The following ETFDH variants were observed in gnomAD, a reference collection of about 807,000 sequenced individuals.
ETFDH encodes the protein electron transfer flavoprotein dehydrogenase.
ETFDH carries 61 observed loss-of-function variants against 73.2 expected under a neutral mutation model. The ratio of observed to expected loss-of-function variants is 0.83; its 90% CI spans 0.68 to 1.03. The LOEUF is 1.03. Ranked by LOEUF, ETFDH falls within the 50% of genes least tolerant of loss-of-function variation. ETFDH has a pLI of 0.00. For missense variants in ETFDH, 685 were observed against 745.0 expected (o/e 0.92, Z 0.94); for synonymous variants, 243 against 253.3 (o/e 0.96, Z 0.39).
intron 5 of ETFDH, among the ~76,000 whole-genome samples, chr4:158,689,414 A>G (rs1227862827): frequency 6.6e-6 from 1 of 151,632 alleles, no homozygotes; most frequent in Non-Finnish European, 1.5e-5. Flanking sequence ...GAATACATAC[A>G]TGAACACTTA....
intron 1 of ETFDH, among the ~76,000 whole-genome samples, chr4:158,678,393 A>G (rs1321912173): frequency 6.6e-6 from 1 of 152,202 alleles, no homozygotes; most frequent in Non-Finnish European, 1.5e-5. Context: ...GACTGAGGTT[A>G]AAGATTTTTG....
chr4:158,690,742 A>G (rs1386387996), intron 6 of ETFDH, among the ~76,000 whole-genome samples: 1 of 152,192 alleles, frequency 6.6e-6, no homozygotes, highest in Non-Finnish European at 1.5e-5. Flanking sequence ...TACAAACTGT[A>G]CATTAATTAT....
chr4:158,678,805 A>C (rs968145281), intron 1 of ETFDH, among the ~76,000 whole-genome samples: 47 of 152,060 alleles, frequency 3.1e-4, no homozygotes, highest in African/African-American at 1.1e-3. Flanking sequence ...ATACCACCAC[A>C]CCTAGCTAAT....
At chr4:158,692,897 A>G (rs1774215857) in intron 6 of ETFDH, among the ~76,000 whole-genome samples, 1 of 147,582 alleles carries the variant, frequency 6.8e-6, no homozygotes, top group Non-Finnish European at 1.5e-5. Flanking sequence ...AAACATATAT[A>G]TATATATATA....
At chr4:158,706,571 T>C (rs548601044) in intron 11 of ETFDH, 58 bp from the exon 12 acceptor site, 10 of 1,428,790 alleles carry the variant, frequency 7.0e-6, no homozygotes, top group Non-Finnish European at 9.9e-6. Context: ...CAAATAGGCT[T>C]AAGAAAAAGT....
chr4:158,694,281 CAG>C (rs1048616330), intron 6 of ETFDH, among the ~76,000 whole-genome samples: 45 of 152,138 alleles, frequency 3.0e-4, no homozygotes, highest in Admixed American at 1.0e-3. Context: ...AAATAGTAAT[CAG>C]GGAAATGCAA....
chr4:158,674,177 A>G (rs576599815), intron 1 of ETFDH, among the ~76,000 whole-genome samples: 1 of 152,322 alleles, frequency 6.6e-6, no homozygotes, highest in Non-Finnish European at 1.5e-5. Flanking sequence ...AATATTCGTT[A>G]TAGTGTATTT....
rs1348009694 is a variant in ETFDH at position 158,706,389 on chromosome 4, A to G, written c.1468+18A>G. 1 of 1,576,274 alleles carries G rather than the reference A, an allele frequency of 6.3e-7. No homozygotes were observed. The highest frequency in any genetic ancestry group is 8.7e-7 in the Non-Finnish European group (1 of 1,146,366). ...ACATAAAGGTAATTCAAACAAGAGT[A>G]TGAGTGACATGATCATTAAAAATTC... On this transcript the variant is annotated intron_variant, in intron 11 of 12. Coordinates refer to ENST00000511912, the MANE Select transcript of ETFDH (RefSeq NM_004453.4).
intron 10 of ETFDH, among the ~76,000 whole-genome samples, chr4:158,705,339 C>A (rs150585714): frequency 2.7e-4 from 41 of 152,298 alleles, no homozygotes; most frequent in African/African-American, 8.2e-4. Flanking sequence ...CTGGAAATTA[C>A]AGGCTAGAGC....
intron 9 of ETFDH, 147 bp from the exon 10 acceptor site, chr4:158,703,275 GT>G: frequency 1.5e-6 from 1 of 654,562 alleles, no homozygotes; most frequent in Non-Finnish European, 2.7e-6. Context: ...CCCTTGCTCT[GT>G]TTTATTCCTT....
At chr4:158,698,702 C>G (rs1774376406) in intron 8 of ETFDH, among the ~76,000 whole-genome samples, 1 of 151,758 alleles carries the variant, frequency 6.6e-6, no homozygotes, top group African/African-American at 2.4e-5. Context: ...GATTGTTTTT[C>G]TAATTTGGAC....
At position 158,699,259 on chromosome 4, in the gene ETFDH, C is replaced by T; in HGVS notation, c.1116+129C>T. The T allele has an allele frequency of 3.7e-6, 3 of 817,260 alleles. No homozygotes were observed. In the Admixed American group the frequency reaches 6.2e-5, roughly 17 times the overall value. 50.6% of individuals were successfully genotyped at this position (817,260 alleles called of 1,614,324 possible). On this transcript the variant is annotated intron_variant, in intron 9 of 12. Coordinates refer to ENST00000511912, the MANE Select transcript of ETFDH (RefSeq NM_004453.4). ...GGAAAAGTATGTAGAGTTTATAAAACTGTGTCACACAATACTTCAATTACA... is the reference window on the plus strand; with the variant it reads ...GGAAAAGTATGTAGAGTTTATAAAATTGTGTCACACAATACTTCAATTACA...
intron 12 of ETFDH, among the ~76,000 whole-genome samples, chr4:158,707,173 G>T (rs1774647930): frequency 6.6e-6 from 1 of 152,244 alleles, no homozygotes; most frequent in African/African-American, 2.4e-5. Context: ...ATGTATTTGG[G>T]TGCATGTACT....
Position 158,708,623 on chromosome 4 carries a change from C to A in ETFDH, c.*96C>A. On this transcript the variant is annotated 3_prime_UTR_variant, in exon 13 of 13. Coordinates refer to ENST00000511912, the MANE Select transcript of ETFDH (RefSeq NM_004453.4). ...GAATGTCTTTCTGCATATTACTGAA[C>A]AGAATAGTCACAAAATGATTATCAA... 4 of 984,878 alleles carry A rather than the reference C, an allele frequency of 4.1e-6. No individual in the cohort carries two copies. The highest frequency in any genetic ancestry group is 4.1e-5 in the South Asian group (3 of 73,990). 61.0% of individuals were successfully genotyped at this position (984,878 alleles called of 1,614,324 possible).
At chr4:158,676,277 G>A (rs995582490) in intron 1 of ETFDH, among the ~76,000 whole-genome samples, 2 of 152,094 alleles carry the variant, frequency 1.3e-5, no homozygotes, top group South Asian at 4.2e-4. Flanking sequence ...GTCAGTTCCA[G>A]GGTGGGAGCC....
At position 158,708,669 on chromosome 4, in the gene ETFDH, G is replaced by C. The variant is rs2126321810; in HGVS notation, c.*142G>C. The C allele has an allele frequency of 1.4e-6, 1 of 705,642 alleles. No individual in the cohort carries two copies. The highest frequency in any genetic ancestry group is 2.5e-6 in the Non-Finnish European group (1 of 405,922). The allele number at this position is 705,642 out of a possible 1,614,324, so 43.7% of individuals were successfully genotyped here. ...ATCAAATAAAAATTTTATACTATAT[G>C]TAAGATTGTCCCATAAAGAAATTAC... On this transcript the variant is annotated 3_prime_UTR_variant, in exon 13 of 13. Transcript: ENST00000511912.
intron 5 of ETFDH, among the ~76,000 whole-genome samples, chr4:158,688,059 C>T (rs1006898199): frequency 2.0e-5 from 3 of 150,050 alleles, no homozygotes; most frequent in South Asian, 2.1e-4. Context: ...AAAATAAAAT[C>T]GCCTGAGGAC....
chr4:158,703,810 GT>G (rs1774531882), intron 10 of ETFDH, among the ~76,000 whole-genome samples: 1 of 152,168 alleles, frequency 6.6e-6, no homozygotes, highest in African/African-American at 2.4e-5. Context: ...AAAAGTACCA[GT>G]GGTAGCCAGC....
chr4:158,692,396 T>G (rs1774191283), intron 6 of ETFDH, among the ~76,000 whole-genome samples: 1 of 73,784 alleles, frequency 1.4e-5, no homozygotes, highest in Admixed American at 1.8e-4. Context: ...CGAGACACCG[T>G]CTCAAAAAAA....
Sources: gnomAD v4.1 joint callset for allele counts (sites outside exome capture counted in the v4.1 genomes callset) on GRCh38, gnomAD v4.1.1 for gene constraint, MANE v1.5 for transcripts, NCBI Gene and HGNC (gene_info 2026-07-23, HGNC 2026-07-21) for gene names.